GDAP1: variants seen among roughly 807,000 people sequenced by gnomAD.
GDAP1 encodes the protein ganglioside-induced differentiation-associated protein 1.
A neutral mutation model predicts 40.1 loss-of-function variants in GDAP1; 34 were observed. The ratio of observed to expected loss-of-function variants is 0.85; its 90% CI spans 0.64 to 1.13. The LOEUF (loss-of-function observed/expected upper bound fraction) is 1.13. Among genes scored for constraint, GDAP1 ranks in the 50% most tolerant of loss-of-function variants. The pLI is 0.00. For synonymous variants in GDAP1, 170 were observed against 157.4 expected, an observed-to-expected ratio of 1.08 and a Z score of -0.60; for missense variants, 374 against 433.7, an observed-to-expected ratio of 0.86 and a Z score of 1.22.
At chr8:74,433,030 C>T (rs1172626731) in intron 2 of GDAP1, among the ~76,000 whole-genome samples, 1 of 152,178 alleles carries the variant, frequency 6.6e-6, no homozygotes, top group African/African-American at 2.4e-5. Flanking sequence ...TTATATTCTT[C>T]AGTAAACTCA....
chr8:74,471,898 G>C (rs943684470), intron 2 of GDAP1, among the ~76,000 whole-genome samples: 1 of 152,094 alleles, frequency 6.6e-6, no homozygotes, highest in African/African-American at 2.4e-5. Flanking sequence ...TATACCAGAG[G>C]TTATAGAGGT....
In GDAP1 at chr8:74,360,124, G is replaced by A. The variant is rs1809284150; in HGVS notation, c.311-13G>A. 6.3e-7 allele frequency: 1 copy of A among 1,599,364 alleles called. No homozygotes were observed. Among genetic ancestry groups the A allele is most frequent in the Non-Finnish European group, 8.6e-7 (1 of 1,166,652 alleles). On this transcript the variant is annotated splice_polypyrimidine_tract_variant and intron_variant, in intron 2 of 5. Coordinates refer to ENST00000220822, the MANE Select transcript of GDAP1 (RefSeq NM_018972.4). ...GTAACTTTTTCTTCAATATTTGTGT[G>A]TGTGTATTTTAGAAAGAACACCCAG...
intron 2 of GDAP1, among the ~76,000 whole-genome samples, chr8:74,442,359 A>G (rs749320834): frequency 6.6e-6 from 1 of 152,192 alleles, no homozygotes; most frequent in Non-Finnish European, 1.5e-5. Flanking sequence ...TGCAAAGCTT[A>G]GTGTTTAGCT....
chr8:74,435,093 A>T (rs1468969245), intron 2 of GDAP1, among the ~76,000 whole-genome samples: 1 of 152,204 alleles, frequency 6.6e-6, no homozygotes, highest in African/African-American at 2.4e-5. Flanking sequence ...ATTTGAATAG[A>T]TATTACTTGT....
chr8:74,355,278 TTAAG>T (rs1407645261), intron 2 of GDAP1, among the ~76,000 whole-genome samples: 1 of 152,194 alleles, frequency 6.6e-6, no homozygotes, highest in Non-Finnish European at 1.5e-5. Context: ...CATTTATTCT[TTAAG>T]TAACCATTTA....
At chr8:74,379,885 A>T (rs1013397086) in intron 2 of GDAP1, among the ~76,000 whole-genome samples, 2 of 152,168 alleles carry the variant, frequency 1.3e-5, no homozygotes, top group Non-Finnish European at 1.5e-5. Flanking sequence ...GGGTCAAGTG[A>T]TCTATATGCA....
At chr8:74,466,194 C>T (rs1405985888) in intron 2 of GDAP1, among the ~76,000 whole-genome samples, 1 of 152,130 alleles carries the variant, frequency 6.6e-6, no homozygotes, top group African/African-American at 2.4e-5. Flanking sequence ...TCTAGCTCAC[C>T]TTGTATCCAA....
chr8:74,422,352 C>CCCTT (rs56384829), intron 2 of GDAP1, among the ~76,000 whole-genome samples: 1,055 of 34,026 alleles, frequency 0.031, 23 homozygotes, highest in South Asian at 0.035. Context: ...TTTCTTTCTT[C>CCCTT]CCTTCCTTCC....
chr8:74,374,694 T>A (rs895325062), intron 2 of GDAP1, among the ~76,000 whole-genome samples: 1 of 152,102 alleles, frequency 6.6e-6, no homozygotes, highest in Non-Finnish European at 1.5e-5. Flanking sequence ...CAGAGTTTAA[T>A]AAGAAAATTA....
intron 2 of GDAP1, among the ~76,000 whole-genome samples, chr8:74,421,676 G>A (rs955416417): frequency 1.1e-4 from 16 of 152,114 alleles, no homozygotes; most frequent in Admixed American, 7.9e-4. Context: ...TCCAGTGAGT[G>A]GTGTCATTCC....
Position 74,409,682 on chromosome 8 carries a change from G to C in GDAP1, c.165+58361G>C, listed in dbSNP as rs1005535418. Among the ~76,000 whole-genome samples the C allele has an allele frequency of 7.3e-5, 11 of 150,022 alleles. 1 individual carries two copies. Among genetic ancestry groups the C allele is most frequent in the African/African-American group, 2.5e-4 (10 of 39,382 alleles). On this transcript the variant is annotated intron_variant, in intron 2 of 2. Coordinates refer to the GDAP1 transcript ENST00000523640. ...GTTCCTTTCTCAGGAAATCATTCATGAGGCCTCCCAGAGAGTATCAAGGAA... is the reference window on the plus strand; with the variant it reads ...GTTCCTTTCTCAGGAAATCATTCATCAGGCCTCCCAGAGAGTATCAAGGAA...
At chr8:74,385,882 A>C (rs563109161) in intron 2 of GDAP1, among the ~76,000 whole-genome samples, 1 of 152,080 alleles carries the variant, frequency 6.6e-6, no homozygotes, top group African/African-American at 2.4e-5. Flanking sequence ...TCACCATTCT[A>C]ATTGGTGTGA....
chr8:74,379,221 A>G (rs917868047), intron 2 of GDAP1, among the ~76,000 whole-genome samples: 1 of 152,114 alleles, frequency 6.6e-6, no homozygotes, highest in Admixed American at 6.5e-5. Context: ...CCTCATATGA[A>G]TTTCCTGGTA....
intron 2 of GDAP1, among the ~76,000 whole-genome samples, chr8:74,388,363 A>C (rs13264285): frequency 0.36 from 55,224 of 151,894 alleles, 10,487 homozygotes; most frequent in Middle Eastern, 0.46. Context: ...TGTCCCAGAA[A>C]TTCTGGTACG....
downstream of GDAP1, among the ~76,000 whole-genome samples, chr8:74,371,435 C>T (rs1297712377): frequency 2.0e-5 from 3 of 151,934 alleles, no homozygotes; most frequent in Admixed American, 6.6e-5. Flanking sequence ...CCGAGGCGGG[C>T]GGATCACGAG....
At chr8:74,448,905 T>C (rs1806264564) in intron 2 of GDAP1, among the ~76,000 whole-genome samples, 1 of 152,096 alleles carries the variant, frequency 6.6e-6, no homozygotes, top group African/African-American at 2.4e-5. Context: ...TTTTATGAAG[T>C]CCAAATTAGC....
intron 2 of GDAP1, among the ~76,000 whole-genome samples, chr8:74,398,360 T>C (rs1810248356): frequency 6.6e-6 from 1 of 152,140 alleles, no homozygotes; most frequent in Admixed American, 6.6e-5. Flanking sequence ...TATGTGTGTC[T>C]CTGCATGTGA....
At chr8:74,482,193 T>C (rs1166840980) in intron 2 of GDAP1, among the ~76,000 whole-genome samples, 4 of 151,936 alleles carry the variant, frequency 2.6e-5, no homozygotes, top group Admixed American at 2.6e-4. Flanking sequence ...TACATTCTTA[T>C]GTTATTCTCA....
chr8:74,377,661 T>C (rs1809880345), intron 2 of GDAP1, among the ~76,000 whole-genome samples: 1 of 152,224 alleles, frequency 6.6e-6, no homozygotes, highest in Non-Finnish European at 1.5e-5. Context: ...CTGGAACTTT[T>C]ATAATTTACT....
Sources: gnomAD v4.1 joint callset for allele counts (sites outside exome capture counted in the v4.1 genomes callset) on GRCh38, gnomAD v4.1.1 for gene constraint, MANE v1.5 for transcripts, NCBI Gene and HGNC (gene_info 2026-07-23, HGNC 2026-07-21) for gene names.